BCL2L11: variants seen among roughly 807,000 people sequenced by gnomAD.
BCL2L11 encodes bcl-2-like protein 11.
BCL2L11 carries 15 observed loss-of-function variants against 20.6 expected under a neutral mutation model. That is an observed-to-expected ratio of 0.73 (90% CI 0.49 to 1.12). The LOEUF is 1.12. Ranked by LOEUF, BCL2L11 falls within the 50% of genes most tolerant of loss-of-function variation. BCL2L11 has a pLI of 0.00. For synonymous variants in BCL2L11, 108 were observed against 92.8 expected, an observed-to-expected ratio of 1.16 and a Z score of -0.94; for missense variants, 292 against 260.9, an observed-to-expected ratio of 1.12 and a Z score of -0.82.
At chr2:111,161,917 C>G (rs886778274) in intron 3 of BCL2L11, among the ~76,000 whole-genome samples, 1 of 152,188 alleles carries the variant, frequency 6.6e-6, no homozygotes, top group Non-Finnish European at 1.5e-5. Context: ...CTGGAGCTGG[C>G]TGAAGCTGTT....
Position 111,167,010 on chromosome 2 carries a change from A to G in BCL2L11, c.*2779A>G, listed in dbSNP as rs963568042. On this transcript the variant is annotated 3_prime_UTR_variant, in exon 4 of 4. Transcript: ENST00000393256. The stretch of plus-strand genomic sequence containing the variant: ...CACTGTTTTTCTCAACTTTTTCAAA[A>G]TCAAGGATTGTAAATATTGTAGATT... 1 of 152,644 alleles carries G rather than the reference A, an allele frequency of 6.6e-6. No individual in the cohort carries two copies. The highest frequency in any genetic ancestry group is 2.4e-5 in the African/African-American group (1 of 41,450). The allele number at this position is 152,644 out of a possible 1,614,324, so 9.5% of individuals were successfully genotyped here.
intron 2 of BCL2L11, among the ~76,000 whole-genome samples, chr2:111,124,556 C>T (rs1394992947): frequency 6.6e-6 from 1 of 152,208 alleles, no homozygotes; most frequent in Non-Finnish European, 1.5e-5. Flanking sequence ...TCCCAAAGTG[C>T]TGGGATTACA....
intron 2 of BCL2L11, among the ~76,000 whole-genome samples, chr2:111,126,613 A>G (rs1200402694): frequency 6.6e-6 from 1 of 152,086 alleles, no homozygotes; most frequent in Non-Finnish European, 1.5e-5. Flanking sequence ...GTAGTCCATA[A>G]TTTTCTCTGG....
chr2:111,137,943 C>T (rs1423843011), intron 2 of BCL2L11, among the ~76,000 whole-genome samples: 1 of 151,636 alleles, frequency 6.6e-6, no homozygotes, highest in African/African-American at 2.4e-5. Flanking sequence ...ATTAAACTGT[C>T]AGTAGTGGGT....
chr2:111,129,367 A>G (rs1366217146), intron 2 of BCL2L11, among the ~76,000 whole-genome samples: 3 of 152,214 alleles, frequency 2.0e-5, no homozygotes, highest in Non-Finnish European at 4.4e-5. Flanking sequence ...CTAGAAGAGA[A>G]AGATATTTTT....
At chr2:111,150,929 G>A (rs1417923354) in intron 3 of BCL2L11, among the ~76,000 whole-genome samples, 2 of 151,744 alleles carry the variant, frequency 1.3e-5, no homozygotes, top group South Asian at 2.1e-4. Flanking sequence ...TTTTTGAGAC[G>A]GAGTCTTGCT....
Position 111,150,106 on chromosome 2 carries a change from C to G in BCL2L11, c.457C>G (p.Arg153Gly), listed in dbSNP as rs146318804. 1 of 1,613,776 alleles carries G rather than the reference C, an allele frequency of 6.2e-7. No individual in the cohort carries two copies. Among genetic ancestry groups the G allele is most frequent in the Non-Finnish European group, 8.5e-7 (1 of 1,179,886 alleles). Residue 153 changes from arginine to glycine, a missense_variant, in exon 3 of 4, where the codon CGG becomes GGG. Arg to Gly is a moderately radical substitution (Grantham distance 125, BLOSUM62 -2). Transcript: ENST00000393256. ...AGAGATATGGATCGCCCAAGAGTTG[C>G]GGCGTATTGGAGACGAGTTTAACGC... ...RPEIWIAQEL[R>G]RIGDEFNAYY...
Position 111,164,258 on chromosome 2 carries a change from A to T in BCL2L11, c.*27A>T, listed in dbSNP as rs73954977. On this transcript the variant is annotated 3_prime_UTR_variant, in exon 4 of 4. Transcript: ENST00000393256. ...AGGTTCTTTGCGGAGCCGAGATACC[A>T]TGCAGACATTTTGCTTGTTCAAACC... The T allele has an allele frequency of 3.9e-6, 6 of 1,529,490 alleles. No individual in the cohort carries two copies. The highest frequency in any genetic ancestry group is 5.4e-6 in the Non-Finnish European group (6 of 1,103,134). 94.7% of individuals were successfully genotyped at this position (1,529,490 alleles called of 1,614,324 possible).
At chr2:111,158,324 C>T (rs1190153197) in intron 3 of BCL2L11, among the ~76,000 whole-genome samples, 1 of 152,126 alleles carries the variant, frequency 6.6e-6, no homozygotes, top group Non-Finnish European at 1.5e-5. Context: ...TTCCATGTCC[C>T]ACCCTGCCAC....
At position 111,164,812 on chromosome 2, in the gene BCL2L11, G is replaced by A. The variant is rs1242346365; in HGVS notation, c.*581G>A. ...TTTTAAATTATTTTTAATACCAAAA[G>A]AGTTCTTTTGAAATGGAACTGATTA... On this transcript the variant is annotated 3_prime_UTR_variant, in exon 4 of 4. Coordinates refer to ENST00000393256, the MANE Select transcript of BCL2L11 (RefSeq NM_138621.5). 3.3e-5 allele frequency: 5 copies of A among 152,686 alleles called. No individual in the cohort carries two copies. Among genetic ancestry groups the A allele is most frequent in the Non-Finnish European group, 7.3e-5 (5 of 68,106 alleles). 9.5% of individuals were successfully genotyped at this position (152,686 alleles called of 1,614,324 possible).
At chr2:111,126,780 A>G (rs1468700679) in intron 2 of BCL2L11, among the ~76,000 whole-genome samples, 3 of 152,162 alleles carry the variant, frequency 2.0e-5, no homozygotes, top group Non-Finnish European at 4.4e-5. Flanking sequence ...ATTTTCCACA[A>G]AGAAGTCATT....
At chr2:111,142,389 A>C in intron 2 of BCL2L11, 1 of 1,550,114 alleles carries the variant, frequency 6.5e-7, no homozygotes, top group Non-Finnish European at 8.7e-7. Context: ...TAGCAAAATC[A>C]AGGTGAAAAG....
At chr2:111,161,832 C>G (rs1368439763) in intron 3 of BCL2L11, among the ~76,000 whole-genome samples, 1 of 152,192 alleles carries the variant, frequency 6.6e-6, no homozygotes, top group East Asian at 1.9e-4. Context: ...TATACCACCC[C>G]AAAACCAAAG....
At chr2:111,139,412 T>C (rs748058100) in intron 2 of BCL2L11, among the ~76,000 whole-genome samples, 4 of 152,254 alleles carry the variant, frequency 2.6e-5, no homozygotes, top group Non-Finnish European at 4.4e-5. Flanking sequence ...TTTCTTGCAA[T>C]CCAAACTTAC....
chr2:111,132,967 A>G (rs2074225589), intron 2 of BCL2L11, among the ~76,000 whole-genome samples: 2 of 152,222 alleles, frequency 1.3e-5, no homozygotes, highest in Non-Finnish European at 2.9e-5. Context: ...CATATAGAAC[A>G]TACTCTATAC....
At chr2:111,121,342 G>C (rs1321026303) in intron 1 of BCL2L11, among the ~76,000 whole-genome samples, 154 bp downstream of exon 1, 1 of 152,212 alleles carries the variant, frequency 6.6e-6, no homozygotes, top group African/African-American at 2.4e-5. Context: ...GTGGGGATCC[G>C]TGTGGATCGG....
Position 111,150,339 on chromosome 2 carries a change from T to C in BCL2L11, c.498+192T>C, listed in dbSNP as rs41309784. ...TTATGACTAAGTAATGGCACTTAAATAAAATAATACAGTAGGAGGCAGCAA... is the reference window on the plus strand; with the variant it reads ...TTATGACTAAGTAATGGCACTTAAACAAAATAATACAGTAGGAGGCAGCAA... On this transcript the variant is annotated intron_variant, in intron 3 of 3. Coordinates refer to ENST00000393256, the MANE Select transcript of BCL2L11 (RefSeq NM_138621.5). 2,607 of 1,191,380 alleles carry C rather than the reference T, an allele frequency of 2.2e-3. 48 individuals are homozygous for C. In the African/African-American group the frequency reaches 0.035, roughly 16 times the overall value. The allele number at this position is 1,191,380 out of a possible 1,614,324, so 73.8% of individuals were successfully genotyped here.
intron 3 of BCL2L11, among the ~76,000 whole-genome samples, chr2:111,151,555 A>C (rs752062179): frequency 4.6e-5 from 7 of 152,044 alleles, no homozygotes; most frequent in Non-Finnish European, 1.0e-4. Flanking sequence ...ATTGTTGCTA[A>C]GTAAATGGAT....
intron 2 of BCL2L11, among the ~76,000 whole-genome samples, chr2:111,146,964 A>T (rs1980045): frequency 0.026 from 3,966 of 152,046 alleles, 167 homozygotes; most frequent in African/African-American, 0.09. Flanking sequence ...CTGTATTTGC[A>T]TCTCAAAAAA....
Sources: gnomAD v4.1 joint callset for allele counts (sites outside exome capture counted in the v4.1 genomes callset) on GRCh38, gnomAD v4.1.1 for gene constraint, MANE v1.5 for transcripts, NCBI Gene and HGNC (gene_info 2026-07-23, HGNC 2026-07-21) for gene names.